The following GPC5 variants were observed in gnomAD, a reference collection of about 807,000 sequenced individuals.
GPC5 encodes the protein glypican 5.
GPC5 carries 47 observed loss-of-function variants against 53.9 expected under a neutral mutation model. That is an observed-to-expected ratio of 0.87 (90% confidence interval 0.69 to 1.11). The LOEUF is 1.11. Among genes scored for constraint, GPC5 ranks in the 50% most tolerant of loss-of-function variants. The pLI is 0.00. For missense variants in GPC5, 748 were observed against 713.1 expected, an observed-to-expected ratio of 1.05 and a Z score of -0.56; for synonymous variants, 286 against 263.3, an observed-to-expected ratio of 1.09 and a Z score of -0.84.
intron 7 of GPC5, among the ~76,000 whole-genome samples, chr13:92,526,083 T>C (rs1002665226): frequency 6.6e-6 from 1 of 152,136 alleles, no homozygotes; most frequent in Non-Finnish European, 1.5e-5. Context: ...CTTCCTTGAC[T>C]TCATGCTCCC....
chr13:91,562,978 TTAAAG>T (rs2031352461), intron 2 of GPC5, among the ~76,000 whole-genome samples: 1 of 152,142 alleles, frequency 6.6e-6, no homozygotes, highest in Non-Finnish European at 1.5e-5. Context: ...GTTTTGCCAT[TTAAAG>T]TAATTTTACA....
At chr13:92,356,211 T>C (rs1316169752) in intron 7 of GPC5, among the ~76,000 whole-genome samples, 1 of 152,084 alleles carries the variant, frequency 6.6e-6, no homozygotes, top group Non-Finnish European at 1.5e-5. Flanking sequence ...ACACACTTAG[T>C]CCATAACATG....
chr13:92,280,046 G>T (rs938472689), intron 7 of GPC5, among the ~76,000 whole-genome samples: 1 of 151,964 alleles, frequency 6.6e-6, no homozygotes, highest in Non-Finnish European at 1.5e-5. Context: ...TGGCCTTCTT[G>T]TTGATGGTAG....
intron 7 of GPC5, among the ~76,000 whole-genome samples, chr13:92,395,777 T>C (rs1430589166): frequency 6.6e-6 from 1 of 152,118 alleles, no homozygotes; most frequent in Admixed American, 6.6e-5. Flanking sequence ...TGGTTTTTAA[T>C]GGGAGTCCAC....
Position 92,479,070 on chromosome 13 carries a change from C to G in GPC5, c.1561+334081C>G, listed in dbSNP as rs115536076. Among the ~76,000 whole-genome samples the G allele has an allele frequency of 5.4e-3, 822 of 152,156 alleles. 8 individuals carry two copies. The highest frequency in any genetic ancestry group is 0.019 in the African/African-American group (791 of 41,508). Reference sequence around the variant, plus strand: ...AATATTCTGTATTATGTGGAGATGTCAAGTCTGTATTTGATTACACAAATT... The same window carrying G: ...AATATTCTGTATTATGTGGAGATGTGAAGTCTGTATTTGATTACACAAATT... On this transcript the variant is annotated intron_variant, in intron 7 of 7. Transcript: ENST00000377067.
intron 1 of GPC5, among the ~76,000 whole-genome samples, chr13:91,409,601 A>G (rs1261619329): frequency 6.6e-6 from 1 of 152,260 alleles, no homozygotes; most frequent in Non-Finnish European, 1.5e-5. Context: ...TGGGAAAAGC[A>G]GACTTGTCAC....
chr13:91,902,947 A>G (rs928049927), intron 5 of GPC5, among the ~76,000 whole-genome samples: 2 of 152,010 alleles, frequency 1.3e-5, no homozygotes, highest in Non-Finnish European at 2.9e-5. Context: ...GAAAAAGAGC[A>G]TAGAGGCTTT....
At chr13:92,031,711 T>G in intron 6 of GPC5, among the ~76,000 whole-genome samples, 1 of 61,798 alleles carries the variant, frequency 1.6e-5, no homozygotes, top group Non-Finnish European at 3.0e-5. Context: ...ATTATATATA[T>G]TACATATATG....
chr13:91,884,735 C>CA, intron 5 of GPC5, among the ~76,000 whole-genome samples: 1 of 152,278 alleles, frequency 6.6e-6, no homozygotes, highest in South Asian at 2.1e-4. Flanking sequence ...GTGCGGCTTA[C>CA]ACTAGGAACC....
chr13:92,457,428 T>C (rs1878311390), intron 7 of GPC5, among the ~76,000 whole-genome samples: 1 of 152,024 alleles, frequency 6.6e-6, no homozygotes, highest in African/African-American at 2.4e-5. Context: ...CCTTCCCCAG[T>C]TGTGAGAATC....
intron 2 of GPC5, among the ~76,000 whole-genome samples, chr13:91,484,364 T>C (rs1883475829): frequency 6.6e-6 from 1 of 152,208 alleles, no homozygotes; most frequent in South Asian, 2.1e-4. Flanking sequence ...AAGGTAAATA[T>C]TAAAAAAGCA....
At chr13:92,429,722 T>A (rs549140894) in intron 7 of GPC5, among the ~76,000 whole-genome samples, 1 of 152,220 alleles carries the variant, frequency 6.6e-6, no homozygotes, top group African/African-American at 2.4e-5. Flanking sequence ...CAAAGATGTG[T>A]ATTATACATT....
chr13:92,572,781 G>T (rs1883071673), intron 7 of GPC5, among the ~76,000 whole-genome samples: 1 of 152,070 alleles, frequency 6.6e-6, no homozygotes, highest in African/African-American at 2.4e-5. Context: ...ATAACTGAAA[G>T]CAAGAGATAT....
At chr13:91,446,307 C>T (rs1880799636) in intron 1 of GPC5, among the ~76,000 whole-genome samples, 1 of 152,194 alleles carries the variant, frequency 6.6e-6, no homozygotes, top group Non-Finnish European at 1.5e-5. Context: ...ACTACTGCTG[C>T]TTCTGGGTGA....
intron 7 of GPC5, among the ~76,000 whole-genome samples, chr13:92,813,826 A>G (rs1212512222): frequency 1.3e-5 from 2 of 152,082 alleles, no homozygotes; most frequent in African/African-American, 4.8e-5. Flanking sequence ...GTCCTAAATT[A>G]ATCTGTACAT....
At chr13:91,779,515 C>T (rs1386107054) in intron 5 of GPC5, among the ~76,000 whole-genome samples, 1 of 152,054 alleles carries the variant, frequency 6.6e-6, no homozygotes, top group Non-Finnish European at 1.5e-5. Context: ...CACATACCAC[C>T]ACAACGAGCT....
chr13:91,703,367 G>A (rs764337927), intron 3 of GPC5, among the ~76,000 whole-genome samples: 7 of 152,106 alleles, frequency 4.6e-5, no homozygotes, highest in Non-Finnish European at 8.8e-5. Context: ...CTTATTTGTT[G>A]AGAGTTTTTG....
At chr13:91,732,722 T>C (rs1386646999) in intron 4 of GPC5, among the ~76,000 whole-genome samples, 2 of 152,200 alleles carry the variant, frequency 1.3e-5, no homozygotes, top group African/African-American at 2.4e-5. Flanking sequence ...AGGGGTCCAG[T>C]TTCAGTTTTC....
chr13:91,928,164 AC>A lies in GPC5; in HGVS notation c.1401+20108del, dbSNP rs564062307. On this transcript the variant is annotated intron_variant, in intron 6 of 7. Coordinates refer to ENST00000377067, the MANE Select transcript of GPC5 (RefSeq NM_004466.6). ...GATAAACAGACTCTTAACAAGAAGA[AC>A]AATATTTCTACTTCTCTGCATGCAT... Among the ~76,000 whole-genome samples the A allele has an allele frequency of 2.7e-3, 412 of 152,306 alleles. 1 individual carries two copies. The highest frequency in any genetic ancestry group is 9.6e-3 in the African/African-American group (400 of 41,580).
Sources: gnomAD v4.1 joint callset for allele counts (sites outside exome capture counted in the v4.1 genomes callset) on GRCh38, gnomAD v4.1.1 for gene constraint, MANE v1.5 for transcripts, NCBI Gene and HGNC (gene_info 2026-07-23, HGNC 2026-07-21) for gene names.